PLAC1: variants seen among roughly 807,000 people sequenced by gnomAD.
The protein encoded by PLAC1 is placenta-specific protein 1.
For synonymous variants in PLAC1, 68 were observed against 62.1 expected (o/e 1.09, Z -0.44); for missense variants, 136 against 163.2 (o/e 0.83, Z 0.91).
intron 2 of PLAC1, among the ~76,000 whole-genome samples, chrX:134,703,410 G>A (rs993150633): frequency 9.0e-6 from 1 of 111,415 alleles, no homozygotes; most frequent in Non-Finnish European, 1.9e-5. Flanking sequence ...AAAGTTGAGG[G>A]AAAATACCCA....
chrX:134,721,858 G>A lies in PLAC1; in HGVS notation n.174+11577C>T, dbSNP rs183671700. Among the ~76,000 whole-genome samples, 495 of 110,261 alleles carry A rather than the reference G, an allele frequency of 4.5e-3. 3 individuals are homozygous for A. Among genetic ancestry groups the A allele is most frequent in the African/African-American group, 0.016 (473 of 30,319 alleles). On this transcript the variant is annotated intron_variant and non_coding_transcript_variant, in intron 2 of 2. Transcript: ENST00000466797. ...AGCCTGGGTGACACAGCAAGACTCCGTCTCAAAAAAAATAAAAATAAAAAT... is the reference window on the plus strand; with the variant it reads ...AGCCTGGGTGACACAGCAAGACTCCATCTCAAAAAAAATAAAAATAAAAAT...
intron 1 of PLAC1, among the ~76,000 whole-genome samples, chrX:134,641,422 T>C (rs1384967221): frequency 8.9e-6 from 1 of 112,306 alleles, no homozygotes; most frequent in Non-Finnish European, 1.9e-5. Context: ...TGGGTATCCT[T>C]TGGGTCCTGT....
At chrX:134,647,410 CTGTGTGTGTGTG>C (rs200761671) in intron 1 of PLAC1, among the ~76,000 whole-genome samples, 4 of 90,145 alleles carry the variant, frequency 4.4e-5, no homozygotes, top group African/African-American at 1.2e-4. Context: ...ATGCATGCAT[CTGTGTGTGTGTG>C]TGTGTGTGTG....
chrX:134,659,578 G>A (rs942303442), upstream of PLAC1, among the ~76,000 whole-genome samples: 1 of 111,704 alleles, frequency 9.0e-6, no homozygotes, highest in African/African-American at 3.3e-5. Flanking sequence ...GCCACTTTGA[G>A]CTGAGAGTAG....
At chrX:134,731,350 CTCAACTTTTGAAGGTGAA>C (rs1235374250) in intron 2 of PLAC1, among the ~76,000 whole-genome samples, 1 of 112,414 alleles carries the variant, frequency 8.9e-6, no homozygotes, top group Non-Finnish European at 1.9e-5. Context: ...ATATAAAATG[CTCAACTTTTGAAGGTGAA>C]TAAATGAGCA....
intron 1 of PLAC1, among the ~76,000 whole-genome samples, chrX:134,746,805 G>T (rs1033724905): frequency 1.8e-5 from 2 of 112,055 alleles, no homozygotes; most frequent in African/African-American, 6.5e-5. Context: ...GAAGTGAATA[G>T]ACTTCCAAGT....
chrX:134,691,547 T>C (rs969362764), intron 2 of PLAC1, among the ~76,000 whole-genome samples: 6 of 111,387 alleles, frequency 5.4e-5, no homozygotes, highest in Non-Finnish European at 1.1e-4. Context: ...CGGTTACCCA[T>C]GTGGTATATT....
In PLAC1 at chrX:134,651,715, C is replaced by G. The variant is rs113415484; in HGVS notation, c.-131+6613G>C. ...GTTCCCTTCACTTTCTAGTCTCTCA[C>G]CCCCTCACCTTTTTCCCCCCTTTCT... is the stretch of plus-strand genomic sequence containing the variant. On this transcript the variant is annotated intron_variant, in intron 1 of 2. Transcript: ENST00000359237. Among the ~76,000 whole-genome samples, 661 of 103,176 alleles carry G rather than the reference C, an allele frequency of 6.4e-3. 9 individuals are homozygous for G. Among genetic ancestry groups the G allele is most frequent in the African/African-American group, 0.022 (630 of 28,089 alleles). 89.6% of individuals were successfully genotyped at this position (103,176 alleles called of 115,157 possible). A position where few individuals can be genotyped will look rare whatever the true frequency, so the allele number is the denominator to read the frequency against.
chrX:134,675,456 G>A (rs1055056476), intron 2 of PLAC1, among the ~76,000 whole-genome samples: 1 of 111,508 alleles, frequency 9.0e-6, no homozygotes, highest in Non-Finnish European at 1.9e-5. Context: ...ACCTGAGGTC[G>A]GGAGTTCAAG....
intron 2 of PLAC1, among the ~76,000 whole-genome samples, chrX:134,680,949 T>C (rs751395607): frequency 9.0e-6 from 1 of 111,136 alleles, no homozygotes; most frequent in South Asian, 3.9e-4. Context: ...ATTGTACAGG[T>C]GAGTCCAGTG....
At chrX:134,755,143 A>C (rs139076140) in intron 1 of PLAC1, among the ~76,000 whole-genome samples, 235 of 111,749 alleles carry the variant, frequency 2.1e-3, no homozygotes, top group African/African-American at 7.3e-3. Flanking sequence ...TTAGATGGAA[A>C]TTAGGGAGAA....
intron 2 of PLAC1, among the ~76,000 whole-genome samples, chrX:134,591,009 C>G (rs761675680): frequency 1.9e-4 from 21 of 111,313 alleles, no homozygotes; most frequent in Admixed American, 4.8e-4. Flanking sequence ...ATGGCCAAGA[C>G]CAGCACTACA....
chrX:134,756,099 C>G (rs1354141354), intron 1 of PLAC1, among the ~76,000 whole-genome samples: 1 of 109,099 alleles, frequency 9.2e-6, no homozygotes, highest in African/African-American at 3.3e-5. Flanking sequence ...GATCCGCCCG[C>G]CTTGGCCTCC....
intron 2 of PLAC1, among the ~76,000 whole-genome samples, chrX:134,729,567 G>C (rs1419024211): frequency 1.8e-5 from 2 of 110,935 alleles, no homozygotes; most frequent in Non-Finnish European, 3.8e-5. Flanking sequence ...TTTCCAAACG[G>C]GACTGACACT....
At position 134,763,824 on chromosome X, in the gene PLAC1, A is replaced by AAAAGAAAGAAAG. The variant is rs58989876; in HGVS notation, n.89+398_89+409dup. On this transcript the variant is annotated intron_variant and non_coding_transcript_variant, in intron 1 of 2. Transcript: ENST00000466797. Reference sequence around the variant, plus strand: ...CAACAAGAAAGAAACTCCGAAAAAAAAAAGAAAGAAAGAAAGAAAGAAAGA... The same window carrying AAAAGAAAGAAAG: ...CAACAAGAAAGAAACTCCGAAAAAAAAAAGAAAGAAAGAAAGAAAGAAAGAAAGAAAGAAAGA... Among the ~76,000 whole-genome samples, 153 of 90,505 alleles carry AAAAGAAAGAAAG rather than the reference A, an allele frequency of 1.7e-3. 1 individual carries two copies. The highest frequency in any genetic ancestry group is 5.9e-3 in the African/African-American group (141 of 24,062). 78.6% of individuals were successfully genotyped at this position (90,505 alleles called of 115,157 possible).
intron 1 of PLAC1, among the ~76,000 whole-genome samples, chrX:134,642,841 C>G (rs1156786398): frequency 9.1e-6 from 1 of 110,301 alleles, no homozygotes; most frequent in Admixed American, 9.7e-5. Context: ...CAAAGATTAG[C>G]AAGTTTGCTA....
At chrX:134,761,536 G>T (rs2078769996) in intron 1 of PLAC1, among the ~76,000 whole-genome samples, 2 of 111,990 alleles carry the variant, frequency 1.8e-5, no homozygotes, top group African/African-American at 3.2e-5. Flanking sequence ...TGCCTTATAA[G>T]GATATGTAAA....
intron 1 of PLAC1, among the ~76,000 whole-genome samples, chrX:134,641,572 A>G (rs924376953): frequency 1.8e-5 from 2 of 112,360 alleles, no homozygotes; most frequent in Non-Finnish European, 3.8e-5. Flanking sequence ...GTAAATTCAC[A>G]GTGAGCAGGA....
At chrX:134,706,297 G>A (rs1433995945) in intron 2 of PLAC1, among the ~76,000 whole-genome samples, 1 of 112,403 alleles carries the variant, frequency 8.9e-6, no homozygotes, top group African/African-American at 3.2e-5. Context: ...TAGCCAGTGT[G>A]GTGTTGGAGA....
Sources: gnomAD v4.1 joint callset for allele counts (sites outside exome capture counted in the v4.1 genomes callset) on GRCh38, gnomAD v4.1.1 for gene constraint, MANE v1.5 for transcripts, NCBI Gene and HGNC (gene_info 2026-07-23, HGNC 2026-07-21) for gene names.